ARPP21: variants seen among roughly 807,000 people sequenced by gnomAD.
The protein encoded by ARPP21 is cAMP-regulated phosphoprotein 21.
ARPP21 carries 69 observed loss-of-function variants against 113.2 expected under a neutral mutation model. The observed-to-expected ratio is 0.61, with a 90% confidence interval of 0.50 to 0.74. The LOEUF (loss-of-function observed/expected upper bound fraction) is 0.74. ARPP21 is among the 30% of genes least tolerant of loss of function. The probability of loss-of-function intolerance (pLI) is 0.00; values close to 1 mark genes in which losing one functional copy is unlikely to be tolerated. For missense variants in ARPP21, 1,070 were observed against 1,037.4 expected, an observed-to-expected ratio of 1.03 and a Z score of -0.43; for synonymous variants, 368 against 375.5, an observed-to-expected ratio of 0.98 and a Z score of 0.23.
chr3:35,776,170 T>C lies in ARPP21; in HGVS notation c.2138-16212T>C, dbSNP rs184148963. Among the ~76,000 whole-genome samples, 56 of 152,318 alleles carry C rather than the reference T, an allele frequency of 3.7e-4. 1 individual carries two copies. In the East Asian group the frequency reaches 6.2e-3, roughly 17 times the overall value. ...GTTCCATGTGTGTTGAGAATGTTATTAAACATTGCATTTTAAAGAATATTA... is the reference window on the plus strand; with the variant it reads ...GTTCCATGTGTGTTGAGAATGTTATCAAACATTGCATTTTAAAGAATATTA... On this transcript the variant is annotated intron_variant, in intron 19 of 20. Transcript: ENST00000684406.
chr3:35,788,455 A>G (rs532121825), intron 19 of ARPP21, among the ~76,000 whole-genome samples: 2 of 152,306 alleles, frequency 1.3e-5, no homozygotes, highest in African/African-American at 4.8e-5. Context: ...ACACATGTAT[A>G]TCACACTGCT....
chr3:35,717,939 A>G (rs1345501535), intron 13 of ARPP21, among the ~76,000 whole-genome samples: 3 of 152,146 alleles, frequency 2.0e-5, no homozygotes, highest in Admixed American at 2.0e-4. Flanking sequence ...CAGAGCGACC[A>G]TACCCATTTT....
At chr3:35,658,026 G>A (rs1575496519) in intron 1 of ARPP21, among the ~76,000 whole-genome samples, 1 of 152,098 alleles carries the variant, frequency 6.6e-6, no homozygotes, top group South Asian at 2.1e-4. Context: ...AAAAGTAATT[G>A]CACATTTCTG....
chr3:35,759,672 C>CTGTGTGTGTG lies in ARPP21; in HGVS notation c.2137+15708_2137+15709insGTGTGTGTGT, dbSNP rs1468740553. On this transcript the variant is annotated intron_variant, in intron 19 of 20. Coordinates refer to ENST00000684406, the MANE Select transcript of ARPP21 (RefSeq NM_001385562.1). ...TTTCATTTTTTTCCTTTCATTTTCTCTCTCTGTGTGTGTGTGTGTGTGTGT... is the reference window on the plus strand; with the variant it reads ...TTTCATTTTTTTCCTTTCATTTTCTCTGTGTGTGTGTCTCTGTGTGTGTGTGTGTGTGTGT... Among the ~76,000 whole-genome samples the CTGTGTGTGTG allele has an allele frequency of 6.3e-3, 753 of 119,702 alleles. 3 individuals are homozygous for CTGTGTGTGTG. The highest frequency in any genetic ancestry group is 0.011 in the Admixed American group (146 of 13,022). 78.5% of individuals were successfully genotyped at this position (119,702 alleles called of 152,430 possible). A position where few individuals can be genotyped will look rare whatever the true frequency, so the allele number is the denominator to read the frequency against.
At chr3:35,744,370 C>T in intron 19 of ARPP21, 14 of 417,884 alleles carry the variant, frequency 3.4e-5, no homozygotes, top group South Asian at 2.5e-4. Flanking sequence ...AAGATACTGC[C>T]TTTAGAAGAA....
chr3:35,684,395 AT>A (rs2079914270), intron 5 of ARPP21: 5 of 980,360 alleles, frequency 5.1e-6, no homozygotes, highest in Non-Finnish European at 4.9e-6. Flanking sequence ...ATCACTGCAT[AT>A]TTTTACCCTT....
intron 1 of ARPP21, among the ~76,000 whole-genome samples, chr3:35,668,617 A>G (rs980862530): frequency 6.6e-6 from 1 of 152,192 alleles, no homozygotes; most frequent in Non-Finnish European, 1.5e-5. Context: ...TGCCGTTTTT[A>G]CATTTGCAAA....
chr3:35,751,715 G>A (rs1282374710), intron 19 of ARPP21, among the ~76,000 whole-genome samples: 1 of 152,110 alleles, frequency 6.6e-6, no homozygotes, highest in African/African-American at 2.4e-5. Flanking sequence ...AGGCTAGAAG[G>A]CCAGTCTCTG....
chr3:35,793,985 A>T lies in ARPP21; in HGVS notation c.*27A>T, dbSNP rs1221126466. 4 of 1,593,378 alleles carry T rather than the reference A, an allele frequency of 2.5e-6. No homozygotes were observed. The Admixed American group carries it at 7.0e-5, about 28-fold the overall frequency. ...AGCTCTGGCTGTGGTACATTTCTTC[A>T]GATATTTCTCATGGCCTTTGATGGA... is the stretch of plus-strand genomic sequence containing the variant. On this transcript the variant is annotated 3_prime_UTR_variant, in exon 21 of 21. Coordinates refer to ENST00000684406, the MANE Select transcript of ARPP21 (RefSeq NM_001385562.1).
intron 20 of ARPP21, 147 bp from the exon 21 acceptor site, chr3:35,793,554 T>C: frequency 1.6e-6 from 1 of 637,616 alleles, no homozygotes; most frequent in Non-Finnish European, 2.8e-6. Context: ...TTTCCTAATG[T>C]GAAACAGCCG....
chr3:35,792,623 G>T, intron 20 of ARPP21, 93 bp downstream of exon 20: 2 of 1,120,156 alleles, frequency 1.8e-6, no homozygotes, highest in Admixed American at 1.7e-5. Context: ...GTGGCTGGCT[G>T]GGTAATGCGT....
chr3:35,774,159 A>T (rs981112903), intron 19 of ARPP21, among the ~76,000 whole-genome samples: 1 of 152,168 alleles, frequency 6.6e-6, no homozygotes. Flanking sequence ...CTGTGCGCCT[A>T]TAGTCCCAGC....
rs142207264 is a variant in ARPP21, at chr3:35,652,697, A to G, written c.-213+12299A>G. 3.5e-4 allele frequency among the ~76,000 whole-genome samples: 54 copies of G among 152,162 alleles called. No homozygotes were observed. In the Middle Eastern group the frequency reaches 0.021, roughly 58 times the overall value. Reference sequence around the variant, plus strand: ...TATATTGAATTGACAGCTAAAATGTAGGTATTCCTGATGAGGTACATCGAT... The same window carrying G: ...TATATTGAATTGACAGCTAAAATGTGGGTATTCCTGATGAGGTACATCGAT... On this transcript the variant is annotated intron_variant, in intron 1 of 20. Transcript: ENST00000684406.
intron 9 of ARPP21, among the ~76,000 whole-genome samples, chr3:35,705,809 A>T (rs2088731995): frequency 6.6e-6 from 1 of 152,216 alleles, no homozygotes; most frequent in Non-Finnish European, 1.5e-5. Flanking sequence ...AACTGATATT[A>T]TTCCAGTTTT....
intron 19 of ARPP21, among the ~76,000 whole-genome samples, chr3:35,780,423 C>T (rs991442400): frequency 6.6e-6 from 1 of 152,116 alleles, no homozygotes; most frequent in Admixed American, 6.5e-5. Flanking sequence ...GGCTGAACCA[C>T]TGGTGTATGT....
chr3:35,656,128 T>C (rs1327288457), intron 1 of ARPP21, among the ~76,000 whole-genome samples: 1 of 152,098 alleles, frequency 6.6e-6, no homozygotes, highest in Non-Finnish European at 1.5e-5. Flanking sequence ...AAGGAGTAGA[T>C]GAGGATAGTA....
intron 19 of ARPP21, among the ~76,000 whole-genome samples, chr3:35,765,783 G>A (rs960514281): frequency 6.6e-6 from 1 of 152,096 alleles, no homozygotes; most frequent in African/African-American, 2.4e-5. Context: ...ATAATGGAAT[G>A]GTTAAGCATA....
chr3:35,778,027 C>G (rs1473040244), intron 19 of ARPP21, among the ~76,000 whole-genome samples: 1 of 152,090 alleles, frequency 6.6e-6, no homozygotes, highest in Non-Finnish European at 1.5e-5. Context: ...AGCAGTCATG[C>G]TAAGTGCATC....
chr3:35,746,509 A>G (rs1244274926), intron 19 of ARPP21, among the ~76,000 whole-genome samples: 3 of 152,146 alleles, frequency 2.0e-5, no homozygotes, highest in Non-Finnish European at 4.4e-5. Flanking sequence ...TCCATCTTTA[A>G]GTCAAACTAT....
Sources: allele counts gnomAD v4.1 joint callset (sites outside exome capture counted in the v4.1 genomes callset), GRCh38; gene constraint gnomAD v4.1.1; transcripts MANE v1.5; gene names NCBI Gene and HGNC (gene_info 2026-07-23, HGNC 2026-07-21).